The following HMCN1 variants were observed in gnomAD, a reference collection of about 807,000 sequenced individuals.
HMCN1 encodes hemicentin-1.
A neutral mutation model predicts 625.9 loss-of-function variants in HMCN1; 321 were observed. That is an observed-to-expected ratio of 0.51 (90% confidence interval 0.47 to 0.56). The LOEUF (loss-of-function observed/expected upper bound fraction) is 0.56. HMCN1 is among the 20% of genes least tolerant of loss of function. The pLI is 0.00. For missense variants in HMCN1, 6,588 were observed against 6,887.3 expected, an observed-to-expected ratio of 0.96 and a Z score of 1.54; for synonymous variants, 2,425 against 2,417.6, an observed-to-expected ratio of 1.00 and a Z score of -0.09.
intron 48 of HMCN1, among the ~76,000 whole-genome samples, chr1:186,063,850 C>T (rs1175252836): frequency 2.6e-5 from 4 of 152,118 alleles, no homozygotes; most frequent in Admixed American, 2.0e-4. Flanking sequence ...TGATTTCTTG[C>T]ATATAATCAA....
At chr1:185,922,608 G>A (rs2102475570) in intron 7 of HMCN1, 109 bp downstream of exon 7, 2 of 1,046,334 alleles carry the variant, frequency 1.9e-6, no homozygotes, top group African/African-American at 1.6e-5. Flanking sequence ...AAATTGAGAA[G>A]CATAGCTTTA....
chr1:185,937,164 T>C (rs1352093475), intron 11 of HMCN1, among the ~76,000 whole-genome samples: 43 of 152,224 alleles, frequency 2.8e-4, no homozygotes, highest in Admixed American at 2.8e-3. Flanking sequence ...CCATTGTCTT[T>C]CAAAAAGACT....
chr1:185,870,388 AG>A (rs925644257), intron 4 of HMCN1, among the ~76,000 whole-genome samples: 1 of 152,112 alleles, frequency 6.6e-6, no homozygotes, highest in African/African-American at 2.4e-5. Flanking sequence ...CTAACACAAA[AG>A]ATCACTGTTA....
chr1:185,807,178 G>A (rs1212409439), intron 1 of HMCN1, among the ~76,000 whole-genome samples: 1 of 152,108 alleles, frequency 6.6e-6, no homozygotes, highest in Non-Finnish European at 1.5e-5. Context: ...TGAATATGAA[G>A]ACTTTTAACA....
At chr1:186,022,585 T>A (rs893914394) in intron 35 of HMCN1, among the ~76,000 whole-genome samples, 1 of 152,164 alleles carries the variant, frequency 6.6e-6, no homozygotes, top group African/African-American at 2.4e-5. Flanking sequence ...AGGAAGAAAT[T>A]TATCTGCATT....
Position 185,995,052 on chromosome 1 carries a change from G to A in HMCN1, c.3743G>A (p.Gly1248Asp), listed in dbSNP as rs1480134370. The change falls in exon 24 of 107, where the codon GGC becomes GAC. Residue 1248 changes from glycine to aspartate, a missense_variant. Gly to Asp is a moderately conservative substitution (Grantham distance 94). Transcript: ENST00000271588. ...IYTCVATNIA[G>D]TDETEITLHV... ...ACATGTGTTGCTACTAACATAGCAG[G>A]CACTGATGAAACAGAGATAACGCTA... 10 of 1,613,598 alleles carry A rather than the reference G, an allele frequency of 6.2e-6. No homozygotes were observed. Among genetic ancestry groups the A allele is most frequent in the Middle Eastern group, 1.6e-4 (1 of 6,084 alleles).
In HMCN1 at chr1:186,023,149, T is replaced by C; in HGVS notation, c.5745T>C (p.Val1915=). The C allele has an allele frequency of 6.2e-7, 1 of 1,612,910 alleles. No individual in the cohort carries two copies. Among genetic ancestry groups the C allele is most frequent in the Non-Finnish European group, 8.5e-7 (1 of 1,179,100 alleles). Reference sequence around the variant, plus strand: ...CACAACAGCACATTCAACTGCATGTTCATGGTAATGTAATTTCTACACCTT... The same window carrying C: ...CACAACAGCACATTCAACTGCATGTCCATGGTAATGTAATTTCTACACCTT... ...GETQQHIQLH[V]HEPPSLEDAG... is the part of the protein sequence containing the mutation. The change falls in exon 36 of 107, where the codon GTT becomes GTC. Residue 1915 remains valine (V), a synonymous_variant. Coordinates refer to ENST00000271588, the MANE Select transcript of HMCN1 (RefSeq NM_031935.3).
rs143378423 is a variant in HMCN1 at position 186,093,162 on chromosome 1, A to T, written c.9916A>T (p.Ile3306Phe). 2.6e-5 allele frequency: 42 copies of T among 1,613,236 alleles called. No homozygotes were observed. The highest frequency in any genetic ancestry group is 3.6e-5 in the Non-Finnish European group (42 of 1,179,558). ...RVSANGSTLN[I>F]YGALTSDTGK... is the part of the protein sequence containing the mutation. ...GAGTGCAAATGGCAGCACATTAAAC[A>T]TTTATGGAGCTCTTACATCTGACAC... is the stretch of plus-strand genomic sequence containing the variant. The change falls in exon 65 of 107, where the codon ATT becomes TTT. Residue 3306 changes from isoleucine to phenylalanine, a missense_variant. Physicochemically the swap from Ile to Phe is conservative, Grantham distance 21. Coordinates refer to ENST00000271588, the MANE Select transcript of HMCN1 (RefSeq NM_031935.3).
rs1651526684 is a variant in HMCN1, at chr1:186,162,050, G to A, written c.15257-3061G>A. ...GTTCCCTTCTCCCCATCACTTTCAG[G>A]TACACCAATCAGACGTAGATTTGGT... On this transcript the variant is annotated intron_variant, in intron 97 of 106. Coordinates refer to ENST00000271588, the MANE Select transcript of HMCN1 (RefSeq NM_031935.3). Among the ~76,000 whole-genome samples the A allele has an allele frequency of 2.6e-5, 4 of 152,136 alleles. No individual in the cohort carries two copies. In the South Asian group the frequency reaches 8.3e-4, roughly 32 times the overall value.
intron 77 of HMCN1, 64 bp downstream of exon 77, chr1:186,117,687 CT>C: frequency 2.7e-6 from 4 of 1,474,790 alleles, no homozygotes; most frequent in Non-Finnish European, 3.8e-6. Context: ...ATATTCTTAC[CT>C]GGCCTTTGTT....
intron 4 of HMCN1, among the ~76,000 whole-genome samples, chr1:185,878,035 C>T (rs970178860): frequency 6.6e-6 from 1 of 152,028 alleles, no homozygotes; most frequent in Admixed American, 6.6e-5. Context: ...TTGCATTCTT[C>T]ATTTGGTTCT....
At chr1:186,172,178 A>G (rs1385489825) in intron 102 of HMCN1, 47 bp downstream of exon 102, 2 of 1,606,910 alleles carry the variant, frequency 1.2e-6, no homozygotes, top group South Asian at 1.1e-5. Context: ...TGCCGTCAAC[A>G]AGTCAAGTAA....
At chr1:185,835,370 T>C (rs1013398511) in intron 1 of HMCN1, among the ~76,000 whole-genome samples, 3 of 152,072 alleles carry the variant, frequency 2.0e-5, no homozygotes, top group Non-Finnish European at 4.4e-5. Flanking sequence ...CCACAGCTCA[T>C]TGGTATTTGT....
intron 53 of HMCN1, among the ~76,000 whole-genome samples, chr1:186,075,883 T>A (rs1404145258): frequency 1.3e-5 from 2 of 152,098 alleles, no homozygotes; most frequent in Non-Finnish European, 2.9e-5. Flanking sequence ...TGTGATAAAT[T>A]TTATGTTATG....
chr1:185,922,332 G>C (rs1375639552), intron 6 of HMCN1, 47 bp from the exon 7 acceptor site: 13 of 1,609,340 alleles, frequency 8.1e-6, no homozygotes, highest in Non-Finnish European at 1.1e-5. Flanking sequence ...CATATGACCA[G>C]CATACTGGAT....
intron 29 of HMCN1, among the ~76,000 whole-genome samples, chr1:186,005,128 AT>A (rs1173408596): frequency 4.7e-5 from 7 of 148,938 alleles, no homozygotes; most frequent in African/African-American, 1.0e-4. Context: ...TTTATAAACA[AT>A]TTTTTAATTG....
intron 1 of HMCN1, among the ~76,000 whole-genome samples, chr1:185,764,779 A>G (rs1655758034): frequency 6.6e-6 from 1 of 152,194 alleles, no homozygotes; most frequent in African/African-American, 2.4e-5. Flanking sequence ...TCTATATGAA[A>G]TAGTAATTTG....
Position 186,038,905 on chromosome 1 carries a change from T to C in HMCN1, c.5928T>C (p.Ile1976=). Residue 1976 remains isoleucine (I), a synonymous_variant, in exon 38 of 107, where the codon ATT becomes ATC. Coordinates refer to ENST00000271588, the MANE Select transcript of HMCN1 (RefSeq NM_031935.3). The stretch of plus-strand genomic sequence containing the variant: ...CTTTCTTGAACAGAGGACAGATCAT[T>C]GATATTGAAAGTGCCCAGATCTCAG... ...SMTFLNRGQI[I]DIESAQISDA... is the part of the protein sequence containing the mutation. 1 of 1,604,958 alleles carries C rather than the reference T, an allele frequency of 6.2e-7. No homozygotes were observed. The highest frequency in any genetic ancestry group is 1.1e-5 in the South Asian group (1 of 90,902).
rs377403541 is a variant in HMCN1 at position 186,030,674 on chromosome 1, CA to C, written c.5750-7259del. On this transcript the variant is annotated intron_variant, in intron 36 of 106. Coordinates refer to ENST00000271588, the MANE Select transcript of HMCN1 (RefSeq NM_031935.3). ...TTGATTGGAGTATTTAATCCATTTA[CA>C]TTTAATTTAACTACTGATGTGGTAG... 8.9e-4 allele frequency among the ~76,000 whole-genome samples: 135 copies of C among 152,034 alleles called. 1 individual carries two copies. Among genetic ancestry groups the C allele is most frequent in the East Asian group, 1.9e-3 (10 of 5,184 alleles).
Sources: gnomAD v4.1 joint callset for allele counts (sites outside exome capture counted in the v4.1 genomes callset) on GRCh38, gnomAD v4.1.1 for gene constraint, MANE v1.5 for transcripts, NCBI Gene and HGNC (gene_info 2026-07-23, HGNC 2026-07-21) for gene names.